The following STOX2 variants were observed in gnomAD, a reference collection of about 807,000 sequenced individuals.
The protein encoded by STOX2 is storkhead-box protein 2.
Under a neutral mutation model 60.9 loss-of-function variants are expected in STOX2, and 28 were observed. That is an observed-to-expected ratio of 0.46 (90% CI 0.34 to 0.63). STOX2 has a LOEUF of 0.63. Ranked by LOEUF, STOX2 falls within the 30% of genes least tolerant of loss-of-function variation. The pLI is 0.01. For synonymous variants in STOX2, 472 were observed against 463.9 expected (o/e 1.02, Z -0.22); for missense variants, 1,024 against 1,187.7 (o/e 0.86, Z 2.03).
intron 1 of STOX2, among the ~76,000 whole-genome samples, chr4:183,837,807 G>A (rs369927133): frequency 3.3e-5 from 5 of 152,148 alleles, no homozygotes; most frequent in African/African-American, 1.2e-4. Context: ...TTTCAAGGCT[G>A]AATAATAAAT....
At chr4:183,968,189 G>A (rs944235641) in intron 1 of STOX2, among the ~76,000 whole-genome samples, 1 of 152,054 alleles carries the variant, frequency 6.6e-6, no homozygotes, top group African/African-American at 2.4e-5. Flanking sequence ...TGGACTTCAC[G>A]TTCAAAGAAC....
In STOX2 at chr4:183,813,403, A is replaced by C. The variant is rs78455685; in HGVS notation, c.364+15348A>C. Among the ~76,000 whole-genome samples the C allele has an allele frequency of 8.8e-3, 1,337 of 152,248 alleles. 22 individuals carry two copies. The highest frequency in any genetic ancestry group is 0.031 in the African/African-American group (1,276 of 41,506). On this transcript the variant is annotated intron_variant, in intron 1 of 2. Coordinates refer to the STOX2 transcript ENST00000513034. ...GTCTCAAAAAGAAAAAAGAAAAAAC[A>C]GCCAATGTAGTCTAACAACTATTTA...
At chr4:183,803,518 G>A (rs1217036019) in intron 1 of STOX2, among the ~76,000 whole-genome samples, 1 of 152,154 alleles carries the variant, frequency 6.6e-6, no homozygotes, top group African/African-American at 2.4e-5. Flanking sequence ...TTGTTTTAAA[G>A]CCTTTTAAAT....
In STOX2 at chr4:183,825,189, G is replaced by A. The variant is rs1046462120; in HGVS notation, c.364+27134G>A. Among the ~76,000 whole-genome samples the A allele has an allele frequency of 3.9e-5, 6 of 152,206 alleles. No individual in the cohort carries two copies. The highest frequency in any genetic ancestry group is 1.5e-5 in the Non-Finnish European group (1 of 68,040). ...CAGGAGGTCGTGGTGGATGGTCTCAGGTCCACCATGAGGACGGCTGGGACA... is the reference window on the plus strand; with the variant it reads ...CAGGAGGTCGTGGTGGATGGTCTCAAGTCCACCATGAGGACGGCTGGGACA... On this transcript the variant is annotated intron_variant, in intron 1 of 2. Coordinates refer to the STOX2 transcript ENST00000513034. This position sits in a 1 kb window ranked among gnomAD's most constrained non-coding sequence, Gnocchi z 4.1.
chr4:183,852,744 A>T (rs1168950372), intron 1 of STOX2, among the ~76,000 whole-genome samples: 1 of 152,342 alleles, frequency 6.6e-6, no homozygotes, highest in East Asian at 1.9e-4. Context: ...GAGGAAATTA[A>T]TTTAAACCTA....
chr4:183,892,810 G>A (rs1741254421), intron 1 of STOX2, among the ~76,000 whole-genome samples: 1 of 150,208 alleles, frequency 6.7e-6, no homozygotes, highest in Admixed American at 6.7e-5. Flanking sequence ...GATATCACAC[G>A]AGCAACTGTT....
chr4:183,854,176 T>C (rs889531541), intron 1 of STOX2, among the ~76,000 whole-genome samples: 2 of 152,242 alleles, frequency 1.3e-5, no homozygotes, highest in Non-Finnish European at 2.9e-5. Context: ...AAGGTCATCG[T>C]CAAACACATA....
chr4:184,010,198 C>T lies in STOX2; in HGVS notation c.1360C>T (p.Pro454Ser). The T allele has an allele frequency of 1.3e-6, 2 of 1,554,630 alleles. No individual in the cohort carries two copies. The highest frequency in any genetic ancestry group is 8.7e-7 in the Non-Finnish European group (1 of 1,148,664). ...GELAKRRTEM[P>S]FPEPSRGSSH... ...ATTGGCTAAAAGGAGAACTGAGATGCCTTTTCCTGAACCTTCTAGGGGAAG... is the reference window on the plus strand; with the variant it reads ...ATTGGCTAAAAGGAGAACTGAGATGTCTTTTCCTGAACCTTCTAGGGGAAG... The change falls in exon 3 of 4, where the codon CCT becomes TCT. Residue 454 changes from proline (P) to serine (S), a missense_variant. Transcript: ENST00000308497. This position sits in a 1 kb window ranked among gnomAD's most constrained non-coding sequence, Gnocchi z 4.5.
intron 1 of STOX2, among the ~76,000 whole-genome samples, chr4:183,945,588 C>A (rs555375507): frequency 6.6e-6 from 1 of 152,180 alleles, no homozygotes; most frequent in African/African-American, 2.4e-5. Flanking sequence ...AATTAGGAAC[C>A]CGTAGCAGTT....
chr4:183,823,774 A>G (rs894197752), intron 1 of STOX2, among the ~76,000 whole-genome samples: 2 of 152,208 alleles, frequency 1.3e-5, no homozygotes, highest in Non-Finnish European at 2.9e-5. Context: ...TTTCAATTCC[A>G]AAGACTTTCA....
chr4:183,908,446 C>T (rs1741679110), intron 1 of STOX2, among the ~76,000 whole-genome samples: 2 of 152,162 alleles, frequency 1.3e-5, no homozygotes, highest in South Asian at 4.1e-4. Flanking sequence ...GTCTTCATTC[C>T]ACACTTCACA....
intron 1 of STOX2, among the ~76,000 whole-genome samples, chr4:183,908,417 A>G: frequency 6.6e-6 from 1 of 152,124 alleles, no homozygotes; most frequent in Non-Finnish European, 1.5e-5. Flanking sequence ...CCTGGGTTTC[A>G]TGTACTTAGG....
intron 1 of STOX2, among the ~76,000 whole-genome samples, chr4:183,835,167 A>C (rs894460615): frequency 5.3e-5 from 8 of 151,628 alleles, no homozygotes; most frequent in Non-Finnish European, 1.0e-4. Context: ...GAGAATAGGC[A>C]AAGAAGATAA....
At chr4:183,993,344 G>C (rs1733192944) in intron 1 of STOX2, among the ~76,000 whole-genome samples, 1 of 152,204 alleles carries the variant, frequency 6.6e-6, no homozygotes, top group Admixed American at 6.5e-5. Context: ...AGACAGACTG[G>C]TCAGCACAAA....
At chr4:183,841,179 G>GTATGTATT (rs146024028) in intron 1 of STOX2, among the ~76,000 whole-genome samples, 1 of 147,920 alleles carries the variant, frequency 6.8e-6, no homozygotes, top group Admixed American at 6.7e-5. Context: ...TTTCATCGTA[G>GTATGTATT]TATTTATTTA....
intron 1 of STOX2, among the ~76,000 whole-genome samples, chr4:183,950,689 C>A (rs573704253): frequency 2.7e-5 from 4 of 149,080 alleles, no homozygotes; most frequent in African/African-American, 9.9e-5. Flanking sequence ...CGGGGAGCCA[C>A]AGAACTCACA....
chr4:183,964,679 T>A (rs1163586660), intron 1 of STOX2, among the ~76,000 whole-genome samples: 3 of 151,838 alleles, frequency 2.0e-5, no homozygotes, highest in Non-Finnish European at 4.4e-5. Context: ...GCCTCCCAGG[T>A]TCAAGCGATT....
At chr4:183,897,371 G>A (rs1448445405) in intron 1 of STOX2, among the ~76,000 whole-genome samples, 1 of 152,174 alleles carries the variant, frequency 6.6e-6, no homozygotes, top group Non-Finnish European at 1.5e-5. Flanking sequence ...CTGTATTTTG[G>A]TGCTAGCTTT....
rs1451644083 is a variant in STOX2 at position 183,856,662 on chromosome 4, G to A, written c.364+58607G>A. Among the ~76,000 whole-genome samples, 9 of 152,284 alleles carry A rather than the reference G, an allele frequency of 5.9e-5. No homozygotes were observed. The South Asian group carries it at 1.0e-3, about 18-fold the overall frequency. On this transcript the variant is annotated intron_variant, in intron 1 of 2. Transcript: ENST00000513034. The surrounding 1 kb of genome is among the most constrained non-coding windows in gnomAD (Gnocchi z 4.0). ...CTTTGCAGTTAGCTGTCTCGGACTC[G>A]GACCCCGGGGGATGATAGCTCCCTT...
Sources: gnomAD v4.1 joint callset for allele counts (sites outside exome capture counted in the v4.1 genomes callset) on GRCh38, gnomAD v4.1.1 for gene constraint, Gnocchi (gnomAD v3.1) non-coding constraint, MANE v1.5 for transcripts, NCBI Gene and HGNC (gene_info 2026-07-23, HGNC 2026-07-21) for gene names.